The following PCSK2 variants were observed in gnomAD, a reference collection of about 807,000 sequenced individuals.
The protein encoded by PCSK2 is neuroendocrine convertase 2.
A neutral mutation model predicts 69.7 loss-of-function variants in PCSK2; 14 were observed. The ratio of observed to expected loss-of-function variants is 0.20; its 90% CI spans 0.13 to 0.31. PCSK2 has a LOEUF of 0.31. PCSK2 is among the 10% of genes least tolerant of loss of function. The probability of loss-of-function intolerance (pLI) is 1.00; values close to 1 mark genes in which losing one functional copy is unlikely to be tolerated. For synonymous variants in PCSK2, 307 were observed against 320.7 expected, an observed-to-expected ratio of 0.96 and a Z score of 0.46; for missense variants, 544 against 842.5, an observed-to-expected ratio of 0.65 and a Z score of 4.39.
intron 9 of PCSK2, among the ~76,000 whole-genome samples, chr20:17,455,431 C>G (rs1435181343): frequency 6.6e-6 from 1 of 152,204 alleles, no homozygotes; most frequent in Non-Finnish European, 1.5e-5. Flanking sequence ...CCAGTCTCCC[C>G]TCTAAATAAG....
chr20:17,465,545 G>A lies in PCSK2; in HGVS notation c.1422G>A (p.Gln474=), dbSNP rs1359611182. Residue 474 remains glutamine (Q), a synonymous_variant, in exon 11 of 12, where the codon CAG becomes CAA. Coordinates refer to ENST00000262545, the MANE Select transcript of PCSK2 (RefSeq NM_002594.5). ...TCCACTGTGTGGGAGGCTCCGTGCA[G>A]GACCCTGAGTAAGTGGGGGTAGTGG... ...ERFHCVGGSV[Q]DPEKIPSTGK... The A allele has an allele frequency of 2.5e-6, 4 of 1,585,548 alleles. No homozygotes were observed. The highest frequency in any genetic ancestry group is 3.4e-6 in the Non-Finnish European group (4 of 1,162,860).
intron 6 of PCSK2, 80 bp from the exon 7 acceptor site, chr20:17,429,355 A>G (rs372764216): frequency 2.0e-6 from 2 of 992,914 alleles, no homozygotes; most frequent in African/African-American, 3.2e-5. Flanking sequence ...TTTTTGTTCC[A>G]AAGAGAATTT....
chr20:17,451,949 C>T (rs2032832520), intron 8 of PCSK2, among the ~76,000 whole-genome samples: 1 of 127,254 alleles, frequency 7.9e-6, no homozygotes, highest in Non-Finnish European at 1.6e-5. Flanking sequence ...GATGGGGTCT[C>T]GTTCTGTCAC....
intron 2 of PCSK2, among the ~76,000 whole-genome samples, chr20:17,283,513 G>A (rs1988396966): frequency 6.6e-6 from 1 of 152,158 alleles, no homozygotes; most frequent in African/African-American, 2.4e-5. Context: ...AGCACACATA[G>A]AGCTAGACTA....
chr20:17,268,033 GTATATA>G lies in PCSK2; in HGVS notation c.282+7714_282+7719del, dbSNP rs753655282. ...GGAAATGCATTTATATATCCAATGT[GTATATA>G]TATATATATATATATATATATATAA... On this transcript the variant is annotated intron_variant, in intron 2 of 11. Coordinates refer to ENST00000262545, the MANE Select transcript of PCSK2 (RefSeq NM_002594.5). 6.7e-3 allele frequency among the ~76,000 whole-genome samples: 446 copies of G among 66,320 alleles called. 9 individuals are homozygous for G. The highest frequency in any genetic ancestry group is 0.023 in the African/African-American group (373 of 16,564). The allele number at this position is 66,320 out of a possible 152,430, so 43.5% of individuals were successfully genotyped here.
At chr20:17,411,756 T>A (rs1158754104) in intron 6 of PCSK2, among the ~76,000 whole-genome samples, 10 of 152,214 alleles carry the variant, frequency 6.6e-5, no homozygotes, top group Admixed American at 5.9e-4. Context: ...AGGAGACACC[T>A]CCCAGTAGGG....
At position 17,438,750 on chromosome 20, in the gene PCSK2, C is replaced by G. The variant is rs75582157; in HGVS notation, c.885+1867C>G. ...TTCTCTCCCAGAAAGTTATGCCCCC[C>G]ACACCCAGGGCACAGCCCACAGCCG... On this transcript the variant is annotated intron_variant, in intron 8 of 11. Coordinates refer to ENST00000262545, the MANE Select transcript of PCSK2 (RefSeq NM_002594.5). 5.4e-3 allele frequency among the ~76,000 whole-genome samples: 828 copies of G among 152,344 alleles called. 6 individuals are homozygous for G. Among genetic ancestry groups the G allele is most frequent in the African/African-American group, 0.019 (781 of 41,570 alleles).
intron 1 of PCSK2, among the ~76,000 whole-genome samples, chr20:17,240,116 T>C (rs1279904885): frequency 6.6e-6 from 1 of 151,932 alleles, no homozygotes; most frequent in Non-Finnish European, 1.5e-5. Flanking sequence ...TCTCTCAAAG[T>C]GCTGGGATTA....
chr20:17,394,566 T>C (rs895794590), intron 5 of PCSK2, among the ~76,000 whole-genome samples: 1 of 152,144 alleles, frequency 6.6e-6, no homozygotes, highest in African/African-American at 2.4e-5. Context: ...GCTCTCTTCC[T>C]GGTTCTTGAA....
At chr20:17,468,805 A>G (rs1450446519) in intron 11 of PCSK2, among the ~76,000 whole-genome samples, 1 of 152,148 alleles carries the variant, frequency 6.6e-6, no homozygotes, top group East Asian at 1.9e-4. Context: ...GCAGCCCACC[A>G]TAGGTCAGCA....
intron 5 of PCSK2, among the ~76,000 whole-genome samples, chr20:17,378,016 C>T (rs1600532831): frequency 6.6e-6 from 1 of 152,098 alleles, no homozygotes; most frequent in Non-Finnish European, 1.5e-5. Flanking sequence ...CCGTATTGTT[C>T]CCACTGTGCA....
At chr20:17,276,749 A>G (rs541579143) in intron 2 of PCSK2, among the ~76,000 whole-genome samples, 26 of 152,310 alleles carry the variant, frequency 1.7e-4, no homozygotes, top group Non-Finnish European at 3.1e-4. Context: ...AATAAAGGGC[A>G]TTCAATCAGG....
At chr20:17,381,287 G>A (rs1012887391) in intron 5 of PCSK2, among the ~76,000 whole-genome samples, 5 of 152,226 alleles carry the variant, frequency 3.3e-5, no homozygotes, top group African/African-American at 1.2e-4. Context: ...ATCACCGGGA[G>A]TATTATGGTG....
intron 2 of PCSK2, among the ~76,000 whole-genome samples, chr20:17,336,988 C>A (rs1487381436): frequency 1.3e-5 from 2 of 152,282 alleles, no homozygotes; most frequent in Middle Eastern, 3.4e-3. Flanking sequence ...TTCTGGGTTT[C>A]TTTGATATAG....
At chr20:17,318,506 G>A (rs1989760532) in intron 2 of PCSK2, among the ~76,000 whole-genome samples, 1 of 152,200 alleles carries the variant, frequency 6.6e-6, no homozygotes. Flanking sequence ...AATGCATTCT[G>A]CATTGTATAT....
intron 5 of PCSK2, among the ~76,000 whole-genome samples, chr20:17,377,203 G>C (rs537397041): frequency 6.6e-6 from 1 of 152,322 alleles, no homozygotes; most frequent in East Asian, 1.9e-4. Context: ...AGATAGGAGA[G>C]GACAAATTAT....
At chr20:17,430,521 T>C (rs545204342) in intron 7 of PCSK2, among the ~76,000 whole-genome samples, 1 of 152,340 alleles carries the variant, frequency 6.6e-6, no homozygotes, top group African/African-American at 2.4e-5. Flanking sequence ...TATTAACCTC[T>C]TTTCAACACT....
intron 7 of PCSK2, among the ~76,000 whole-genome samples, chr20:17,431,951 G>T (rs1465113830): frequency 6.6e-6 from 1 of 152,140 alleles, no homozygotes; most frequent in Non-Finnish European, 1.5e-5. Context: ...TGGCCAACTC[G>T]GATCGTTGCT....
intron 2 of PCSK2, among the ~76,000 whole-genome samples, chr20:17,294,341 C>T (rs1988814678): frequency 1.3e-5 from 2 of 151,816 alleles, no homozygotes; most frequent in Admixed American, 6.6e-5. Flanking sequence ...CTCCTGACCT[C>T]GTGATCCACC....
Sources: gnomAD v4.1 joint callset for allele counts (sites outside exome capture counted in the v4.1 genomes callset) on GRCh38, gnomAD v4.1.1 for gene constraint, MANE v1.5 for transcripts, NCBI Gene and HGNC (gene_info 2026-07-23, HGNC 2026-07-21) for gene names.